The following CPXM2 variants were observed in gnomAD, a reference collection of about 807,000 sequenced individuals.
CPXM2 encodes carboxypeptidase X, M14 family member 2.
CPXM2 carries 66 observed loss-of-function variants against 86.1 expected under a neutral mutation model. The observed-to-expected ratio is 0.77, with a 90% CI of 0.63 to 0.94. The LOEUF is 0.94. Ranked by LOEUF, CPXM2 falls within the 40% of genes least tolerant of loss-of-function variation. CPXM2 has a pLI of 0.00. For synonymous variants in CPXM2, 388 were observed against 400.2 expected (o/e 0.97, Z 0.36); for missense variants, 948 against 1,026.3 (o/e 0.92, Z 1.04).
intron 6 of CPXM2, among the ~76,000 whole-genome samples, chr10:123,782,415 T>C (rs1288387601): frequency 6.6e-6 from 1 of 152,186 alleles, no homozygotes; most frequent in Non-Finnish European, 1.5e-5. Context: ...CTGAGAGCCC[T>C]AAGTACAAAA....
intron 6 of CPXM2, among the ~76,000 whole-genome samples, chr10:123,785,637 T>C (rs532327029): frequency 2.0e-5 from 3 of 150,010 alleles, no homozygotes; most frequent in East Asian, 3.9e-4. Context: ...TTAGCTTCTT[T>C]TTTTTTTTTT....
chr10:123,830,065 T>C lies in CPXM2; in HGVS notation c.653+12284A>G, dbSNP rs80071131. Among the ~76,000 whole-genome samples the C allele has an allele frequency of 3.3e-3, 506 of 151,926 alleles. 2 individuals are homozygous for C. The highest frequency in any genetic ancestry group is 0.012 in the African/African-American group (482 of 41,416). On this transcript the variant is annotated intron_variant, in intron 4 of 13. Transcript: ENST00000241305. ...ATAATAAATGTACTAGAAGAAAATA[T>C]AAGGAAAATTATTTATGTGTTTAGA...
chr10:123,830,933 G>A (rs1848155158), intron 4 of CPXM2, among the ~76,000 whole-genome samples: 2 of 147,912 alleles, frequency 1.4e-5, no homozygotes, highest in African/African-American at 5.1e-5. Flanking sequence ...TTTCTTTGCT[G>A]GAACTCTAAT....
intron 7 of CPXM2, among the ~76,000 whole-genome samples, chr10:123,774,608 C>T (rs550034719): frequency 7.2e-5 from 11 of 152,248 alleles, no homozygotes; most frequent in African/African-American, 2.6e-4. Context: ...TATGACATGC[C>T]TATGAGAGGT....
At chr10:123,827,063 C>T (rs1407481809) in intron 4 of CPXM2, among the ~76,000 whole-genome samples, 2 of 152,124 alleles carry the variant, frequency 1.3e-5, no homozygotes, top group Non-Finnish European at 2.9e-5. Context: ...AAACAAAAAT[C>T]ATCTTTCTTT....
At chr10:123,927,413 C>T (rs1239186443) in intron 2 of CPXM2, among the ~76,000 whole-genome samples, 4 of 152,192 alleles carry the variant, frequency 2.6e-5, no homozygotes, top group East Asian at 1.9e-4. Context: ...AGAGTAAAAA[C>T]GTACATAGGC....
At chr10:123,918,104 G>T (rs917557288) in intron 2 of CPXM2, among the ~76,000 whole-genome samples, 1 of 152,110 alleles carries the variant, frequency 6.6e-6, no homozygotes, top group African/African-American at 2.4e-5. Context: ...GAAGCCCAGG[G>T]ATCTAAATAT....
chr10:123,941,739 C>A (rs918615678), upstream of CPXM2, among the ~76,000 whole-genome samples: 1 of 152,238 alleles, frequency 6.6e-6, no homozygotes, highest in Non-Finnish European at 1.5e-5. Flanking sequence ...TCCCCCTCCT[C>A]TGCCTTTGGG....
chr10:123,747,570 C>T (rs889385270), intron 13 of CPXM2, among the ~76,000 whole-genome samples: 1 of 152,136 alleles, frequency 6.6e-6, no homozygotes, highest in Non-Finnish European at 1.5e-5. Context: ...GTTGCAGGGC[C>T]ATCTATACAT....
At chr10:123,883,935 C>T (rs982584294) in intron 1 of CPXM2, among the ~76,000 whole-genome samples, 7 of 152,106 alleles carry the variant, frequency 4.6e-5, no homozygotes, top group African/African-American at 9.7e-5. Flanking sequence ...CCATCTGGGC[C>T]GCGTGACAAA....
intron 2 of CPXM2, among the ~76,000 whole-genome samples, chr10:123,926,564 T>C (rs1207727566): frequency 6.6e-6 from 1 of 152,232 alleles, no homozygotes; most frequent in East Asian, 1.9e-4. Context: ...TTCACTTTCC[T>C]AGATATTCTT....
At chr10:123,835,426 A>G (rs1270065104) in intron 4 of CPXM2, among the ~76,000 whole-genome samples, 1 of 152,222 alleles carries the variant, frequency 6.6e-6, no homozygotes, top group Non-Finnish European at 1.5e-5. Flanking sequence ...TTAATTTCAA[A>G]TAACTATCCC....
Position 123,754,894 on chromosome 10 carries a change from A to C in CPXM2, c.1918-132T>G. ...ACTCACACAGCACCACGTCTTGCTC[A>C]GAAGGCTTGGAACCGAAAAGCAGTT... is the stretch of plus-strand genomic sequence containing the variant. On this transcript the variant is annotated intron_variant, in intron 12 of 13. Transcript: ENST00000241305. The surrounding 1 kb of genome is among the most constrained non-coding windows in gnomAD (Gnocchi z 4.0). 1.5e-6 allele frequency: 1 copy of C among 661,268 alleles called. No homozygotes were observed. The highest frequency in any genetic ancestry group is 2.8e-6 in the Non-Finnish European group (1 of 363,588). The allele number at this position is 661,268 out of a possible 1,614,324, so 41.0% of individuals were successfully genotyped here.
chr10:123,901,029 C>T (rs1321561408), intron 2 of CPXM2, among the ~76,000 whole-genome samples: 3 of 152,116 alleles, frequency 2.0e-5, no homozygotes, highest in African/African-American at 7.2e-5. Flanking sequence ...TAGGAAGAGA[C>T]ATAAAGAATA....
rs762881077 is a variant in CPXM2, at chr10:123,767,063, G to A, written c.1389C>T (p.Leu463=). ...CATTCTGTCGATCCTCTGCCTCCCAGAGCAGCGTGTTTAAATCAGGAAAGT... is the reference window on the plus strand; with the variant it reads ...CATTCTGTCGATCCTCTGCCTCCCAAAGCAGCGTGTTTAAATCAGGAAAGT... ...NNNFPDLNTL[L]WEAEDRQNVP... is the part of the protein sequence containing the mutation. Residue 463 remains leucine, a synonymous_variant, in exon 10 of 14, where the codon CTC becomes CTT. Coordinates refer to ENST00000241305, the MANE Select transcript of CPXM2 (RefSeq NM_198148.3). The A allele has an allele frequency of 2.0e-5, 32 of 1,614,038 alleles. No homozygotes were observed. Among genetic ancestry groups the A allele is most frequent in the Non-Finnish European group, 2.6e-5 (31 of 1,180,008 alleles).
chr10:123,850,476 G>A (rs1056492017), intron 3 of CPXM2, among the ~76,000 whole-genome samples: 8 of 152,146 alleles, frequency 5.3e-5, no homozygotes, highest in South Asian at 2.1e-4. Flanking sequence ...ATCTCACACC[G>A]TTTCTCACCA....
intron 2 of CPXM2, among the ~76,000 whole-genome samples, chr10:123,937,509 ACACACACAC>A (rs1196819201): frequency 1.4e-5 from 2 of 139,272 alleles, no homozygotes; most frequent in African/African-American, 5.8e-5. Context: ...ACACACACAC[ACACACACAC>A]ACTAGAATTC....
At chr10:123,798,161 T>C in intron 5 of CPXM2, 35 bp from the exon 6 acceptor site, 2 of 1,549,254 alleles carry the variant, frequency 1.3e-6, no homozygotes, top group South Asian at 1.3e-5. Flanking sequence ...GAAAATCTTT[T>C]AGTGCTTAAT....
intron 4 of CPXM2, among the ~76,000 whole-genome samples, chr10:123,805,236 A>T (rs1271201869): frequency 6.6e-6 from 1 of 151,998 alleles, no homozygotes; most frequent in Non-Finnish European, 1.5e-5. Context: ...AAAATGACTT[A>T]TGTCCTTCCT....
Sources: gnomAD v4.1 joint callset for allele counts (sites outside exome capture counted in the v4.1 genomes callset) on GRCh38, gnomAD v4.1.1 for gene constraint, Gnocchi (gnomAD v3.1) non-coding constraint, MANE v1.5 for transcripts, NCBI Gene and HGNC (gene_info 2026-07-23, HGNC 2026-07-21) for gene names.